BAZ2B: variants seen among roughly 807,000 people sequenced by gnomAD.
The protein encoded by BAZ2B is bromodomain adjacent to zinc finger domain 2B.
A neutral mutation model predicts 246.0 loss-of-function variants in BAZ2B; 91 were observed. The observed-to-expected ratio is 0.37, with a 90% CI of 0.31 to 0.44. BAZ2B has a LOEUF of 0.44. Among genes scored for constraint, BAZ2B ranks in the 20% least tolerant of loss-of-function variants. BAZ2B has a pLI of 1.00. For synonymous variants in BAZ2B, 855 were observed against 860.0 expected, an observed-to-expected ratio of 0.99 and a Z score of 0.10; for missense variants, 2,332 against 2,533.7, an observed-to-expected ratio of 0.92 and a Z score of 1.71.
the BAZ2B span, among the ~76,000 whole-genome samples, chr2:159,678,707 G>A: frequency 4.6e-5 from 7 of 152,124 alleles, no homozygotes; most frequent in Non-Finnish European, 7.4e-5. Context: ...GATGGTGGGG[G>A]AGGCAAATAG....
chr2:159,594,761 G>T (rs748097272), intron 1 of BAZ2B, among the ~76,000 whole-genome samples: 1 of 151,798 alleles, frequency 6.6e-6, no homozygotes, highest in Non-Finnish European at 1.5e-5. Flanking sequence ...TCTCCCAAGC[G>T]GCTGGGACTA....
At chr2:159,427,714 C>T (rs1232921633) in intron 13 of BAZ2B, among the ~76,000 whole-genome samples, 1 of 151,972 alleles carries the variant, frequency 6.6e-6, no homozygotes, top group East Asian at 1.9e-4. Flanking sequence ...AATTAATAAA[C>T]AGAAAAAATT....
chr2:159,633,265 C>G, the BAZ2B span, among the ~76,000 whole-genome samples: 1 of 151,854 alleles, frequency 6.6e-6, no homozygotes, highest in South Asian at 2.1e-4. Context: ...GAAGAATGCA[C>G]AGTCCAACTG....
intron 34 of BAZ2B, among the ~76,000 whole-genome samples, chr2:159,332,135 C>A (rs1457899207): frequency 6.6e-6 from 1 of 151,932 alleles, no homozygotes; most frequent in Non-Finnish European, 1.5e-5. Context: ...GTAGGGAATA[C>A]CTAGAGTCTG....
intron 2 of BAZ2B, among the ~76,000 whole-genome samples, chr2:159,555,068 G>C (rs2088889388): frequency 1.2e-5 from 1 of 85,580 alleles, no homozygotes; most frequent in South Asian, 5.7e-4. Context: ...TGTATGTGGG[G>C]GGTGTGTGTG....
chr2:159,475,738 G>T lies in BAZ2B; in HGVS notation c.145+2837C>A, dbSNP rs548541315. On this transcript the variant is annotated intron_variant, in intron 3 of 36. Coordinates refer to ENST00000392783, the MANE Select transcript of BAZ2B (RefSeq NM_013450.4). ...TTGTTGACCTTTGGATGGCGTTTCT[G>T]TGTAGACATCCTTTTTGTTGATATT... Among the ~76,000 whole-genome samples, 180 of 152,290 alleles carry T rather than the reference G, an allele frequency of 1.2e-3. No homozygotes were observed. The South Asian group carries it at 0.013, about 11-fold the overall frequency.
chr2:159,636,269 G>A, the BAZ2B span, among the ~76,000 whole-genome samples: 1 of 152,216 alleles, frequency 6.6e-6, no homozygotes, highest in Non-Finnish European at 1.5e-5. Flanking sequence ...ACGCATTGAG[G>A]AGGGCAGGAG....
At chr2:159,544,506 T>C (rs1437784209) in intron 2 of BAZ2B, among the ~76,000 whole-genome samples, 2 of 152,138 alleles carry the variant, frequency 1.3e-5, no homozygotes, top group African/African-American at 2.4e-5. Flanking sequence ...GAGGAGAAGG[T>C]TTCTGGAAAA....
At chr2:159,400,448 C>T in intron 17 of BAZ2B, 151 bp downstream of exon 17, 2 of 526,070 alleles carry the variant, frequency 3.8e-6, no homozygotes, top group Non-Finnish European at 3.4e-6. Flanking sequence ...CTAAATAAGG[C>T]TCAGATAAAG....
At chr2:159,635,499 C>T in the BAZ2B span, among the ~76,000 whole-genome samples, 140,527 of 152,174 alleles carry the variant, frequency 0.92, 65,385 homozygotes, top group East Asian at 1. Context: ...CGCCACACTA[C>T]GCTTTAGGAA....
the BAZ2B span, among the ~76,000 whole-genome samples, chr2:159,674,760 C>A: frequency 6.6e-6 from 1 of 150,688 alleles, no homozygotes; most frequent in African/African-American, 2.4e-5. Flanking sequence ...AGTTGAATAC[C>A]TGAAGAAACA....
chr2:159,601,452 G>C (rs1366187882), intron 1 of BAZ2B, among the ~76,000 whole-genome samples: 1 of 151,924 alleles, frequency 6.6e-6, no homozygotes, highest in Non-Finnish European at 1.5e-5. Context: ...GCTGGGTGCG[G>C]TGGCTCACGC....
intron 3 of BAZ2B, 121 bp downstream of exon 3, chr2:159,478,454 C>T: frequency 3.6e-6 from 4 of 1,102,700 alleles, no homozygotes; most frequent in Non-Finnish European, 4.9e-6. Context: ...GGTGTTTAAC[C>T]TAGCCTTTAT....
intron 2 of BAZ2B, among the ~76,000 whole-genome samples, chr2:159,553,943 G>A (rs767019073): frequency 2.6e-5 from 4 of 151,920 alleles, no homozygotes; most frequent in Non-Finnish European, 4.4e-5. Flanking sequence ...CCAGCCACAC[G>A]GTAAACATAT....
At chr2:159,394,049 G>A (rs1011714834) in intron 20 of BAZ2B, among the ~76,000 whole-genome samples, 3 of 151,668 alleles carry the variant, frequency 2.0e-5, no homozygotes, top group Admixed American at 6.6e-5. Flanking sequence ...TAAAGATAAC[G>A]TTCTGGGTTA....
chr2:159,638,016 T>C, the BAZ2B span, among the ~76,000 whole-genome samples: 11 of 152,192 alleles, frequency 7.2e-5, no homozygotes, highest in East Asian at 1.9e-4. Flanking sequence ...GCAGTAACAG[T>C]AGTGGTGGCT....
intron 5 of BAZ2B, 83 bp from the exon 6 acceptor site, chr2:159,447,058 G>A (rs1217241761): frequency 2.1e-6 from 2 of 931,324 alleles, no homozygotes; most frequent in South Asian, 5.5e-5. Context: ...TGTACAGTTG[G>A]ATGAACTTGA....
intron 2 of BAZ2B, among the ~76,000 whole-genome samples, chr2:159,489,482 T>C (rs938605111): frequency 6.6e-6 from 1 of 152,178 alleles, no homozygotes; most frequent in Admixed American, 6.5e-5. Flanking sequence ...AAAAATGGTG[T>C]AGAGTTGAAA....
chr2:159,347,801 A>G (rs1321037344), intron 30 of BAZ2B, among the ~76,000 whole-genome samples, 155 bp from the exon 31 acceptor site: 3 of 152,240 alleles, frequency 2.0e-5, no homozygotes, highest in Non-Finnish European at 4.4e-5. Context: ...CTTACTCTTA[A>G]AAGTAGAAAC....
Sources: gnomAD v4.1 joint callset for allele counts (sites outside exome capture counted in the v4.1 genomes callset) on GRCh38, gnomAD v4.1.1 for gene constraint, MANE v1.5 for transcripts, NCBI Gene and HGNC (gene_info 2026-07-23, HGNC 2026-07-21) for gene names.